Variants in CDH10 observed in about 807,000 individuals in gnomAD.
CDH10 encodes cadherin 10, also known as cadherin-10.
CDH10 carries 30 observed loss-of-function variants against 73.1 expected under a neutral mutation model. The observed-to-expected ratio is 0.41, with a 90% confidence interval of 0.31 to 0.56. CDH10 has a LOEUF of 0.56. Among genes scored for constraint, CDH10 ranks in the 20% least tolerant of loss-of-function variants. The pLI is 0.27. For synonymous variants in CDH10, 345 were observed against 348.2 expected, an observed-to-expected ratio of 0.99 and a Z score of 0.10; for missense variants, 815 against 973.7, an observed-to-expected ratio of 0.84 and a Z score of 2.17.
intron 1 of CDH10, among the ~76,000 whole-genome samples, chr5:24,643,190 G>A (rs1406772570): frequency 6.6e-6 from 1 of 152,020 alleles, no homozygotes; most frequent in African/African-American, 2.4e-5. Flanking sequence ...GGGGAGCGGG[G>A]TGCAGATTAT....
intron 1 of CDH10, among the ~76,000 whole-genome samples, chr5:24,599,787 T>C (rs1367913399): frequency 6.6e-6 from 1 of 152,124 alleles, no homozygotes; most frequent in Admixed American, 6.6e-5. Context: ...TGGCACGTAT[T>C]TGTGAGATAG....
intron 1 of CDH10, among the ~76,000 whole-genome samples, chr5:24,616,021 C>T (rs1349444918): frequency 6.6e-6 from 1 of 151,752 alleles, no homozygotes; most frequent in Non-Finnish European, 1.5e-5. Context: ...TAAATTATAG[C>T]CATATTCTTT....
At chr5:24,597,126 C>T (rs115612003) in intron 1 of CDH10, among the ~76,000 whole-genome samples, 1,766 of 151,956 alleles carry the variant, frequency 0.012, 28 homozygotes, top group African/African-American at 0.041. Flanking sequence ...TATGAATATC[C>T]TATGAACTTT....
chr5:24,522,166 C>T, intron 5 of CDH10, among the ~76,000 whole-genome samples: 1 of 100,622 alleles, frequency 9.9e-6, no homozygotes, highest in African/African-American at 3.6e-5. Flanking sequence ...AACAAACAAA[C>T]AAACAAAAAA....
At chr5:24,620,706 C>G (rs1747285482) in intron 1 of CDH10, among the ~76,000 whole-genome samples, 1 of 152,110 alleles carries the variant, frequency 6.6e-6, no homozygotes, top group Non-Finnish European at 1.5e-5. Context: ...TTGTATACTA[C>G]CACACTTATA....
chr5:24,579,972 T>G (rs78053403), intron 2 of CDH10, among the ~76,000 whole-genome samples: 7,045 of 152,188 alleles, frequency 0.046, 272 homozygotes, highest in African/African-American at 0.094. Context: ...TGTTTTTTTC[T>G]CCCTAATGCT....
intron 5 of CDH10, among the ~76,000 whole-genome samples, chr5:24,514,007 GA>G (rs1743016011): frequency 6.6e-6 from 1 of 152,120 alleles, no homozygotes; most frequent in South Asian, 2.1e-4. Flanking sequence ...GAATGTAACA[GA>G]AAACAGGCAC....
intron 1 of CDH10, among the ~76,000 whole-genome samples, chr5:24,641,920 T>A (rs1748066692): frequency 6.6e-6 from 1 of 152,146 alleles, no homozygotes; most frequent in South Asian, 2.1e-4. Context: ...TGCATAAAAT[T>A]ACTTATAATT....
intron 5 of CDH10, among the ~76,000 whole-genome samples, chr5:24,533,154 T>C (rs1194444628): frequency 1.3e-5 from 2 of 151,948 alleles, no homozygotes; most frequent in Admixed American, 1.3e-4. Flanking sequence ...CGGCGAAACC[T>C]TGTCTCTATT....
intron 2 of CDH10, among the ~76,000 whole-genome samples, chr5:24,568,533 G>A (rs1260114883): frequency 6.6e-6 from 1 of 151,762 alleles, no homozygotes; most frequent in Non-Finnish European, 1.5e-5. Context: ...TGGAACCCTT[G>A]TGCATTGCTG....
intron 2 of CDH10, among the ~76,000 whole-genome samples, 176 bp from the exon 3 acceptor site, chr5:24,537,850 G>C (rs1301344719): frequency 1.3e-5 from 2 of 151,900 alleles, no homozygotes; most frequent in African/African-American, 4.8e-5. Flanking sequence ...TAAAGAATAT[G>C]AATAGCCTTT....
chr5:24,530,784 GT>G (rs1448983196), intron 5 of CDH10, among the ~76,000 whole-genome samples: 2 of 152,008 alleles, frequency 1.3e-5, no homozygotes, highest in African/African-American at 4.8e-5. Context: ...TTAGATATCA[GT>G]TTTAAGGTGC....
At chr5:24,525,089 G>C (rs1406041366) in intron 5 of CDH10, among the ~76,000 whole-genome samples, 2 of 152,032 alleles carry the variant, frequency 1.3e-5, no homozygotes, top group African/African-American at 4.8e-5. Context: ...TGATTTAAGA[G>C]ATGTGACATA....
intron 2 of CDH10, among the ~76,000 whole-genome samples, chr5:24,583,180 G>C (rs189766375): frequency 4.2e-5 from 6 of 143,362 alleles, no homozygotes; most frequent in African/African-American, 1.5e-4. Flanking sequence ...GTAATGCAGT[G>C]AGTCCTAGGT....
At chr5:24,634,444 A>C (rs1224462974) in intron 1 of CDH10, among the ~76,000 whole-genome samples, 1 of 151,788 alleles carries the variant, frequency 6.6e-6, no homozygotes, top group Non-Finnish European at 1.5e-5. Context: ...TATTAATAGA[A>C]TATTTTAAAT....
chr5:24,560,409 C>T (rs1744918351), intron 2 of CDH10, among the ~76,000 whole-genome samples: 1 of 152,008 alleles, frequency 6.6e-6, no homozygotes, highest in Non-Finnish European at 1.5e-5. Context: ...CTTACTATTT[C>T]CTTTAGATTT....
At chr5:24,521,552 C>T (rs1414351989) in intron 5 of CDH10, among the ~76,000 whole-genome samples, 4 of 151,698 alleles carry the variant, frequency 2.6e-5, no homozygotes, top group East Asian at 1.9e-4. Context: ...GCGGAGGTTG[C>T]GGTGAGCTGA....
chr5:24,573,355 C>T (rs1167302611), intron 2 of CDH10, among the ~76,000 whole-genome samples: 1 of 151,736 alleles, frequency 6.6e-6, no homozygotes, highest in Non-Finnish European at 1.5e-5. Context: ...AAAAATGAAG[C>T]AATGAAGGGA....
intron 2 of CDH10, among the ~76,000 whole-genome samples, chr5:24,563,451 T>A (rs1256443890): frequency 1.4e-5 from 2 of 144,604 alleles, no homozygotes; most frequent in Middle Eastern, 3.6e-3. Flanking sequence ...TATAGAAGCT[T>A]AAAAAAAAAA....
Sources: allele counts gnomAD v4.1 joint callset (sites outside exome capture counted in the v4.1 genomes callset), GRCh38; gene constraint gnomAD v4.1.1; transcripts MANE v1.5; gene names NCBI Gene and HGNC (gene_info 2026-07-23, HGNC 2026-07-21).